The following NLGN1 variants were observed in gnomAD, a reference collection of about 807,000 sequenced individuals.
NLGN1 encodes neuroligin 1.
NLGN1 carries 12 observed loss-of-function variants against 65.5 expected under a neutral mutation model. That is an observed-to-expected ratio of 0.18 (90% CI 0.12 to 0.30). NLGN1 has a LOEUF of 0.30. Among genes scored for constraint, NLGN1 ranks in the 10% least tolerant of loss-of-function variants. The pLI, the probability that NLGN1 is intolerant of heterozygous loss-of-function variation, is 1.00. For missense variants in NLGN1, 750 were observed against 1,007.1 expected, an observed-to-expected ratio of 0.74 and a Z score of 3.46; for synonymous variants, 350 against 359.5, an observed-to-expected ratio of 0.97 and a Z score of 0.30.
chr3:174,273,023 G>GT (rs1749771249), intron 4 of NLGN1, among the ~76,000 whole-genome samples: 5 of 147,910 alleles, frequency 3.4e-5, no homozygotes, highest in African/African-American at 1.3e-4. Flanking sequence ...TTACAGCACT[G>GT]TTGTTATATA....
chr3:173,511,232 T>G (rs575030179), intron 2 of NLGN1, among the ~76,000 whole-genome samples: 1 of 152,306 alleles, frequency 6.6e-6, no homozygotes, highest in South Asian at 2.1e-4. Flanking sequence ...TTGTTAGTAA[T>G]AAACTTTATT....
intron 2 of NLGN1, among the ~76,000 whole-genome samples, chr3:173,562,986 C>T (rs1743022612): frequency 6.6e-6 from 1 of 152,186 alleles, no homozygotes; most frequent in South Asian, 2.1e-4. Context: ...CCTACCCACA[C>T]ACATACACAC....
At chr3:173,710,595 C>T (rs1467058224) in intron 3 of NLGN1, among the ~76,000 whole-genome samples, 2 of 152,076 alleles carry the variant, frequency 1.3e-5, no homozygotes, top group Non-Finnish European at 2.9e-5. Context: ...CACTGAATGC[C>T]CCACAGCACA....
At chr3:174,006,945 G>A (rs940414804) in intron 4 of NLGN1, among the ~76,000 whole-genome samples, 1 of 152,100 alleles carries the variant, frequency 6.6e-6, no homozygotes, top group Admixed American at 6.5e-5. Flanking sequence ...GCAGGTTCCT[G>A]TAATCCCAGC....
chr3:174,265,823 A>T (rs974609482), intron 4 of NLGN1, among the ~76,000 whole-genome samples: 1 of 146,500 alleles, frequency 6.8e-6, no homozygotes, highest in Non-Finnish European at 1.5e-5. Context: ...TTTATACAAC[A>T]TCTATATATA....
intron 3 of NLGN1, among the ~76,000 whole-genome samples, chr3:173,711,157 A>G (rs1768901290): frequency 6.6e-6 from 1 of 152,220 alleles, no homozygotes; most frequent in Non-Finnish European, 1.5e-5. Context: ...GAAAAATAGT[A>G]TTAATTTTGT....
At chr3:173,711,331 A>C (rs536328318) in intron 3 of NLGN1, among the ~76,000 whole-genome samples, 1 of 152,250 alleles carries the variant, frequency 6.6e-6, no homozygotes, top group African/African-American at 2.4e-5. Flanking sequence ...TCAGTGTGTA[A>C]GTTGTTTTCA....
At chr3:173,516,798 A>G (rs907715047) in intron 2 of NLGN1, among the ~76,000 whole-genome samples, 2 of 152,074 alleles carry the variant, frequency 1.3e-5, no homozygotes, top group African/African-American at 4.8e-5. Context: ...TAGGAAGTGA[A>G]AGAGTATTAG....
intron 3 of NLGN1, among the ~76,000 whole-genome samples, chr3:173,707,509 A>G (rs1371330432): frequency 6.6e-6 from 1 of 151,980 alleles, no homozygotes; most frequent in Non-Finnish European, 1.5e-5. Context: ...TATAATAATT[A>G]TATATTATTA....
intron 3 of NLGN1, among the ~76,000 whole-genome samples, chr3:173,609,253 A>AT (rs1192753833): frequency 6.6e-6 from 1 of 151,938 alleles, no homozygotes; most frequent in East Asian, 1.9e-4. Flanking sequence ...TACAGAACTA[A>AT]TTTTCATTCC....
At chr3:174,275,181 A>G (rs691120) in intron 4 of NLGN1, 134 bp from the exon 5 acceptor site, 316,227 of 629,496 alleles carry the variant, frequency 0.5, 82,075 homozygotes, top group East Asian at 0.68. Flanking sequence ...CTTTTGTTAT[A>G]GTGGAAAATA....
intron 4 of NLGN1, among the ~76,000 whole-genome samples, chr3:173,905,625 G>A (rs1429125575): frequency 6.6e-6 from 1 of 152,184 alleles, no homozygotes; most frequent in African/African-American, 2.4e-5. Context: ...AGACCTGCCA[G>A]GGACAATGGA....
In NLGN1 at chr3:174,169,509, G is replaced by A. The variant is rs190302624; in HGVS notation, c.647-105806G>A. 7.1e-3 allele frequency among the ~76,000 whole-genome samples: 1,080 copies of A among 152,118 alleles called. 8 individuals are homozygous for A. Among genetic ancestry groups the A allele is most frequent in the Non-Finnish European group, 0.01 (708 of 67,984 alleles). On this transcript the variant is annotated intron_variant, in intron 4 of 6. Transcript: ENST00000457714. ...AAGTGAGCCAGTTCTCTGGATGCCC[G>A]GGCATGGAGCAGAGAGAGTCTTGCT... is the stretch of plus-strand genomic sequence containing the variant.
rs998696031 is a variant in NLGN1, at chr3:173,957,433, G to A, written c.646+149601G>A. ...TGCTCTGCCTATTTTTCTCTCATGG[G>A]TTACAACTAAATACTGACATGTAAA... is the stretch of plus-strand genomic sequence containing the variant. On this transcript the variant is annotated intron_variant, in intron 4 of 6. Coordinates refer to ENST00000457714, the Ensembl canonical transcript of NLGN1. 2.6e-5 allele frequency among the ~76,000 whole-genome samples: 4 copies of A among 151,992 alleles called. No homozygotes were observed. The South Asian group carries it at 8.3e-4, about 32-fold the overall frequency.
At chr3:174,222,433 C>T (rs781194045) in intron 4 of NLGN1, among the ~76,000 whole-genome samples, 1 of 152,028 alleles carries the variant, frequency 6.6e-6, no homozygotes, top group African/African-American at 2.4e-5. Context: ...AGAAACTAAA[C>T]GTAAGTTTTC....
At chr3:173,753,428 A>G (rs1452543080) in intron 3 of NLGN1, among the ~76,000 whole-genome samples, 1 of 152,118 alleles carries the variant, frequency 6.6e-6, no homozygotes, top group African/African-American at 2.4e-5. Context: ...GAAATCATCC[A>G]TGATTTTCAT....
chr3:173,927,505 G>A (rs541809520), intron 4 of NLGN1, among the ~76,000 whole-genome samples: 1 of 152,224 alleles, frequency 6.6e-6, no homozygotes, highest in East Asian at 1.9e-4. Context: ...GACACAATTA[G>A]TCTCTCCTCC....
chr3:173,617,061 T>A (rs1753224452), intron 3 of NLGN1, among the ~76,000 whole-genome samples: 1 of 152,138 alleles, frequency 6.6e-6, no homozygotes, highest in Non-Finnish European at 1.5e-5. Context: ...CCATCCTACC[T>A]CAGGACCCTT....
At chr3:174,113,248 A>G (rs1341354676) in intron 4 of NLGN1, among the ~76,000 whole-genome samples, 2 of 152,014 alleles carry the variant, frequency 1.3e-5, no homozygotes, top group African/African-American at 4.8e-5. Flanking sequence ...ACATTTTCAC[A>G]TGCAAGTAGG....
Sources: gnomAD v4.1 joint callset for allele counts (sites outside exome capture counted in the v4.1 genomes callset) on GRCh38, gnomAD v4.1.1 for gene constraint, MANE v1.5 for transcripts, NCBI Gene and HGNC (gene_info 2026-07-23, HGNC 2026-07-21) for gene names.